Variants in PMPCA observed in about 807,000 individuals in gnomAD.
The protein encoded by PMPCA is peptidase, mitochondrial processing subunit alpha.
Under a neutral mutation model 59.3 loss-of-function variants are expected in PMPCA, and 47 were observed. That is an observed-to-expected ratio of 0.79 (90% CI 0.63 to 1.01). PMPCA has a LOEUF of 1.01. PMPCA is among the 50% of genes least tolerant of loss of function. PMPCA has a pLI of 0.00. For missense variants in PMPCA, 726 were observed against 704.5 expected (o/e 1.03, Z -0.34); for synonymous variants, 338 against 290.3 (o/e 1.16, Z -1.67).
At chr9:136,412,248 C>T (rs369480508) in intron 2 of PMPCA, 49 bp downstream of exon 2, 2 of 1,308,230 alleles carry the variant, frequency 1.5e-6, no homozygotes, top group Admixed American at 1.7e-5. Flanking sequence ...TTAACATGCA[C>T]ATGCTTTAGT....
At position 136,423,357 on chromosome 9, in the gene PMPCA, T is replaced by C; in HGVS notation, c.*93T>C. On this transcript the variant is annotated 3_prime_UTR_variant, in exon 13 of 13. Coordinates refer to ENST00000371717, the MANE Select transcript of PMPCA (RefSeq NM_015160.3). Reference sequence around the variant, plus strand: ...GACACGAATTTAGTCTAAAAAGCTGTCTGGTTGTATAAACGGTGCAAACAA... The same window carrying C: ...GACACGAATTTAGTCTAAAAAGCTGCCTGGTTGTATAAACGGTGCAAACAA... 1 of 1,325,390 alleles carries C rather than the reference T, an allele frequency of 7.5e-7. No individual in the cohort carries two copies. Among genetic ancestry groups the C allele is most frequent in the Admixed American group, 2.4e-5 (1 of 42,350 alleles). 82.1% of individuals were successfully genotyped at this position (1,325,390 alleles called of 1,614,324 possible).
chr9:136,423,143 G>T lies in PMPCA; in HGVS notation c.1457G>T (p.Arg486Leu). 3.1e-6 allele frequency: 5 copies of T among 1,613,688 alleles called. No individual in the cohort carries two copies. The highest frequency in any genetic ancestry group is 1.1e-5 in the South Asian group (1 of 91,074). Residue 486 changes from arginine (R) to leucine (L), a missense_variant, in exon 13 of 13, where the codon CGA becomes CTA. Arg to Leu is a moderately radical substitution (Grantham distance 102, BLOSUM62 -2). Transcript: ENST00000371717. ...AAGAGAGTCGCTTCTAAGATGCTCCGAGGGAAGCCGGCAGTGGCCGCCCTG... is the reference window on the plus strand; with the variant it reads ...AAGAGAGTCGCTTCTAAGATGCTCCTAGGGAAGCCGGCAGTGGCCGCCCTG... ...DVKRVASKMLRGKPAVAALGD... is the reference protein window; with the variant it reads ...DVKRVASKMLLGKPAVAALGD...
At chr9:136,417,279 C>T in intron 7 of PMPCA, 65 bp downstream of exon 7, 1 of 1,395,920 alleles carries the variant, frequency 7.2e-7, no homozygotes, top group Middle Eastern at 1.9e-4. Context: ...GTGGTGTGAC[C>T]TGTTTTTGTA....
In PMPCA at chr9:136,417,219, A is replaced by C. The variant is rs1447862248; in HGVS notation, c.897+5A>C. 6.4e-7 allele frequency: 1 copy of C among 1,564,876 alleles called. No individual in the cohort carries two copies. The highest frequency in any genetic ancestry group is 1.4e-5 in the African/African-American group (1 of 73,922). On this transcript the variant is annotated splice_donor_5th_base_variant and intron_variant, in intron 7 of 12. Coordinates refer to ENST00000371717, the MANE Select transcript of PMPCA (RefSeq NM_015160.3). ...TACACTGGGGGGATTGCCAAGGTGA[A>C]GTAGCGGGAACGTCTCATGGCCTCG...
At chr9:136,416,905 G>A (rs1835291975) in intron 6 of PMPCA, 46 bp from the exon 7 acceptor site, 2 of 1,559,832 alleles carry the variant, frequency 1.3e-6, no homozygotes, top group South Asian at 2.4e-5. Flanking sequence ...AGGAAGCCTG[G>A]TCATGCTGTC....
intron 5 of PMPCA, among the ~76,000 whole-genome samples, chr9:136,415,470 T>C (rs1418262377): frequency 6.6e-6 from 1 of 152,192 alleles, no homozygotes; most frequent in East Asian, 1.9e-4. Flanking sequence ...TGGCAGGACT[T>C]TGAGTCCCTG....
rs1187037239 is a variant in PMPCA at position 136,412,203 on chromosome 9, A to G, written c.274+4A>G. The G allele has an allele frequency of 6.2e-7, 1 of 1,601,920 alleles. No homozygotes were observed. Among genetic ancestry groups the G allele is most frequent in the East Asian group, 2.2e-5 (1 of 44,836 alleles). ...GGACAGTTTTGTACAGTAGGAAGTA[A>G]GTACTGTTGTGTTGTCGTGGGTGGT... On this transcript the variant is annotated splice_donor_region_variant and intron_variant, in intron 2 of 12. Coordinates refer to ENST00000371717, the MANE Select transcript of PMPCA (RefSeq NM_015160.3).
chr9:136,414,201 C>T (rs936643536), intron 4 of PMPCA, among the ~76,000 whole-genome samples: 5 of 152,218 alleles, frequency 3.3e-5, no homozygotes, highest in African/African-American at 1.2e-4. Flanking sequence ...AAATCTGTAT[C>T]AGAAGTGGCT....
chr9:136,418,991 C>T (rs2131592258), intron 10 of PMPCA, 53 bp from the exon 11 acceptor site: 1 of 1,597,126 alleles, frequency 6.3e-7, no homozygotes, highest in Non-Finnish European at 8.6e-7. Flanking sequence ...CTAGACGGGT[C>T]AGTAGGCCGG....
At chr9:136,411,958 C>T (rs1835134206) in intron 1 of PMPCA, 39 bp from the exon 2 acceptor site, 2 of 1,282,194 alleles carry the variant, frequency 1.6e-6, no homozygotes, top group Admixed American at 1.8e-5. Flanking sequence ...GGTTTGTTGT[C>T]TCAAGCCTGT....
intron 5 of PMPCA, 45 bp from the exon 6 acceptor site, chr9:136,416,246 C>T (rs758991180): frequency 1.5e-5 from 21 of 1,383,926 alleles, no homozygotes; most frequent in Non-Finnish European, 2.2e-5. Flanking sequence ...TGTTCCTCAT[C>T]TCTGCCTGTG....
intron 4 of PMPCA, 147 bp from the exon 5 acceptor site, chr9:136,414,406 A>G: frequency 1.6e-6 from 1 of 633,786 alleles, no homozygotes; most frequent in Non-Finnish European, 2.9e-6. Context: ...CCTGGCATGC[A>G]AAGCCCAAGT....
intron 4 of PMPCA, 56 bp from the exon 5 acceptor site, chr9:136,414,497 T>C: frequency 8.4e-7 from 1 of 1,186,428 alleles, no homozygotes; most frequent in Non-Finnish European, 1.3e-6. Context: ...GTCCCCTGGC[T>C]GTTAAGCAGA....
chr9:136,416,164 A>C (rs1835267253), intron 5 of PMPCA, 127 bp from the exon 6 acceptor site: 1 of 698,080 alleles, frequency 1.4e-6, no homozygotes, highest in African/African-American at 1.8e-5. Flanking sequence ...CCCTAGATGA[A>C]GGCAGAGGTG....
At chr9:136,418,274 T>C (rs1449028379) in intron 8 of PMPCA, among the ~76,000 whole-genome samples, 165 bp downstream of exon 8, 7 of 151,562 alleles carry the variant, frequency 4.6e-5, no homozygotes, top group Admixed American at 3.9e-4. Context: ...TGATGCAGTG[T>C]GGGCGACTCA....
intron 12 of PMPCA, chr9:136,422,252 AGTT>A: frequency 7.3e-7 from 1 of 1,371,458 alleles, no homozygotes; most frequent in East Asian, 3.3e-5. Context: ...TACTGCCCAG[AGTT>A]GTTAAAGAGC....
intron 1 of PMPCA, 62 bp from the exon 2 acceptor site, chr9:136,411,935 A>G (rs1835132668): frequency 1.1e-6 from 1 of 927,582 alleles, no homozygotes. Flanking sequence ...ACCGCACCTA[A>G]CAGGTCATCA....
intron 12 of PMPCA, chr9:136,422,892 A>G (rs897257868): frequency 9.4e-6 from 13 of 1,389,132 alleles, no homozygotes; most frequent in Non-Finnish European, 1.1e-5. Context: ...CCATGTCCCC[A>G]TTTACTGAGA....
intron 5 of PMPCA, among the ~76,000 whole-genome samples, chr9:136,415,419 T>C (rs1835246435): frequency 6.6e-6 from 1 of 152,190 alleles, no homozygotes; most frequent in African/African-American, 2.4e-5. Flanking sequence ...TGCCAGAAAT[T>C]TCCATTTCAC....
Sources: allele counts gnomAD v4.1 joint callset (sites outside exome capture counted in the v4.1 genomes callset), GRCh38; gene constraint gnomAD v4.1.1; transcripts MANE v1.5; gene names NCBI Gene and HGNC (gene_info 2026-07-23, HGNC 2026-07-21).